CCDC38: variants seen among roughly 807,000 people sequenced by gnomAD.
CCDC38 encodes coiled-coil domain containing 38, also known as coiled-coil domain-containing protein 38.
In CCDC38, 69 loss-of-function variants were observed where a neutral mutation model predicts 72.8. That is an observed-to-expected ratio of 0.95 (90% confidence interval 0.78 to 1.16). CCDC38 has a LOEUF of 1.16. Ranked by LOEUF, CCDC38 falls within the 50% of genes most tolerant of loss-of-function variation. CCDC38 has a pLI of 0.00. For synonymous variants in CCDC38, 201 were observed against 213.2 expected (o/e 0.94, Z 0.50); for missense variants, 626 against 638.9 (o/e 0.98, Z 0.22).
chr12:95,872,080 TG>T, intron 14 of CCDC38, among the ~76,000 whole-genome samples, 174 bp downstream of exon 14: 1 of 152,262 alleles, frequency 6.6e-6, no homozygotes, highest in East Asian at 1.9e-4. Context: ...TAAGAGTATT[TG>T]ATGAATGATC....
At position 95,878,205 on chromosome 12, in the gene CCDC38, A is replaced by T; in HGVS notation, c.1278+6T>A. On this transcript the variant is annotated splice_donor_region_variant and intron_variant, in intron 13 of 15. Transcript: ENST00000344280. ...ATGAAATCACCATAGGCAAAGAGTG[A>T]TTTACCTGAGCATCTGAATTAAATT... is the stretch of plus-strand genomic sequence containing the variant. The T allele has an allele frequency of 1.2e-6, 2 of 1,612,670 alleles. No homozygotes were observed. Among genetic ancestry groups the T allele is most frequent in the Non-Finnish European group, 1.7e-6 (2 of 1,179,564 alleles).
At chr12:95,938,994 T>C (rs918574219) in intron 1 of CCDC38, among the ~76,000 whole-genome samples, 2 of 152,222 alleles carry the variant, frequency 1.3e-5, no homozygotes, top group Admixed American at 1.3e-4. Context: ...CCATCCATTT[T>C]AGAGGTCGCA....
At chr12:95,899,925 G>A (rs1459956725) in intron 5 of CCDC38, among the ~76,000 whole-genome samples, 1 of 152,132 alleles carries the variant, frequency 6.6e-6, no homozygotes, top group African/African-American at 2.4e-5. Flanking sequence ...GACAAGGGCA[G>A]GGGGTTGCTA....
intron 9 of CCDC38, among the ~76,000 whole-genome samples, chr12:95,890,112 A>G (rs1201487922): frequency 6.6e-6 from 1 of 151,974 alleles, no homozygotes; most frequent in East Asian, 1.9e-4. Context: ...GGTTTTTTCC[A>G]TGCTGCCCAG....
intron 4 of CCDC38, among the ~76,000 whole-genome samples, chr12:95,906,876 G>A (rs2080009685): frequency 6.7e-6 from 1 of 148,414 alleles, no homozygotes; most frequent in Non-Finnish European, 1.5e-5. Flanking sequence ...CGCAGAGGGG[G>A]ATTTGGCAGG....
intron 10 of CCDC38, among the ~76,000 whole-genome samples, chr12:95,881,937 A>G (rs1211990639): frequency 1.3e-5 from 2 of 152,188 alleles, no homozygotes; most frequent in Admixed American, 6.5e-5. Flanking sequence ...AATGTGCTCT[A>G]CTTCTCAAAA....
At chr12:95,905,020 T>C (rs2079986941) in intron 5 of CCDC38, among the ~76,000 whole-genome samples, 1 of 152,216 alleles carries the variant, frequency 6.6e-6, no homozygotes, top group East Asian at 1.9e-4. Context: ...TCAAGTCGCT[T>C]ATGTAAAATG....
At chr12:95,888,874 A>G (rs1457598330) in intron 9 of CCDC38, among the ~76,000 whole-genome samples, 3 of 151,754 alleles carry the variant, frequency 2.0e-5, no homozygotes, top group Non-Finnish European at 2.9e-5. Flanking sequence ...AGAACTATGT[A>G]CTGTTTGTCT....
At chr12:95,940,377 CA>C (rs1467219796) in intron 1 of CCDC38, among the ~76,000 whole-genome samples, 2 of 152,092 alleles carry the variant, frequency 1.3e-5, no homozygotes, top group East Asian at 3.9e-4. Context: ...GTTTCTAAAC[CA>C]ACTCTAAATA....
chr12:95,902,142 A>G (rs2079956719), intron 5 of CCDC38, among the ~76,000 whole-genome samples: 1 of 152,192 alleles, frequency 6.6e-6, no homozygotes, highest in South Asian at 2.1e-4. Context: ...AATCCAGCAG[A>G]GAGGGAAAAA....
chr12:95,888,727 C>A (rs571357100), intron 9 of CCDC38, among the ~76,000 whole-genome samples: 3 of 151,886 alleles, frequency 2.0e-5, no homozygotes, highest in African/African-American at 7.3e-5. Flanking sequence ...GAGTTGCATG[C>A]GTAAGAATAA....
intron 11 of CCDC38, 63 bp downstream of exon 11, chr12:95,881,422 T>G: frequency 8.4e-7 from 1 of 1,194,754 alleles, no homozygotes; most frequent in South Asian, 1.3e-5. Context: ...TTCAAAAGAA[T>G]AAATGATCAT....
At chr12:95,942,233 C>T (rs2080459661) in intron 1 of CCDC38, among the ~76,000 whole-genome samples, 198 bp downstream of exon 1, 5 of 152,150 alleles carry the variant, frequency 3.3e-5, no homozygotes, top group Admixed American at 3.3e-4. Context: ...TAATTAAGGA[C>T]TCAAAAGCCT....
chr12:95,902,668 G>C (rs190057647), intron 5 of CCDC38, among the ~76,000 whole-genome samples: 1 of 152,106 alleles, frequency 6.6e-6, no homozygotes, highest in Admixed American at 6.6e-5. Context: ...CTTCAAATAA[G>C]GTTGCTATGA....
At chr12:95,916,424 C>CCTTCCTT (rs2080146030) in intron 4 of CCDC38, among the ~76,000 whole-genome samples, 2 of 148,886 alleles carry the variant, frequency 1.3e-5, no homozygotes, top group African/African-American at 2.5e-5. Context: ...TTCCTTTTTT[C>CCTTCCTT]CCTTCTTATT....
At chr12:95,890,200 C>T (rs919155539) in intron 9 of CCDC38, among the ~76,000 whole-genome samples, 1 of 152,222 alleles carries the variant, frequency 6.6e-6, no homozygotes, top group Admixed American at 6.5e-5. Context: ...GTGTGAGCCA[C>T]CATGCCTGGC....
chr12:95,920,901 G>GGTGGATAACCTGAGGTCA (rs1353786361), intron 2 of CCDC38, among the ~76,000 whole-genome samples: 3 of 126,774 alleles, frequency 2.4e-5, no homozygotes, highest in Admixed American at 7.2e-5. Flanking sequence ...GGCCGAGGTG[G>GGTGGATAACCTGAGGTCA]GTGGATAACC....
chr12:95,875,884 A>C (rs2079630678), intron 13 of CCDC38, among the ~76,000 whole-genome samples: 1 of 152,172 alleles, frequency 6.6e-6, no homozygotes, highest in African/African-American at 2.4e-5. Context: ...AGAGTATCAA[A>C]AATGCCGCTT....
At chr12:95,904,611 G>A (rs986875842) in intron 5 of CCDC38, among the ~76,000 whole-genome samples, 8 of 152,202 alleles carry the variant, frequency 5.3e-5, no homozygotes, top group Admixed American at 4.6e-4. Context: ...ATGTGACAAC[G>A]CACAGAGAAT....
Sources: allele counts gnomAD v4.1 joint callset (sites outside exome capture counted in the v4.1 genomes callset), GRCh38; gene constraint gnomAD v4.1.1; transcripts MANE v1.5; gene names NCBI Gene and HGNC (gene_info 2026-07-23, HGNC 2026-07-21).